ANKRD31: variants seen among roughly 807,000 people sequenced by gnomAD.
ANKRD31 encodes the protein ankyrin repeat domain 31, also known as ankyrin repeat domain-containing protein 31.
Under a neutral mutation model 186.0 loss-of-function variants are expected in ANKRD31, and 147 were observed. That is an observed-to-expected ratio of 0.79 (90% CI 0.69 to 0.91). The LOEUF is 0.91. ANKRD31 is among the 40% of genes least tolerant of loss of function. ANKRD31 has a pLI of 0.00. For missense variants in ANKRD31, 1,986 were observed against 2,148.8 expected, an observed-to-expected ratio of 0.92 and a Z score of 1.50; for synonymous variants, 673 against 736.4, an observed-to-expected ratio of 0.91 and a Z score of 1.39.
At chr5:75,123,070 T>C (rs1364326831) in intron 17 of ANKRD31, among the ~76,000 whole-genome samples, 1 of 152,114 alleles carries the variant, frequency 6.6e-6, no homozygotes, top group Non-Finnish European at 1.5e-5. Context: ...ATTCTTAAGT[T>C]TGATAATTGA....
chr5:75,223,053 C>A (rs144578005), intron 2 of ANKRD31, among the ~76,000 whole-genome samples: 2 of 152,156 alleles, frequency 1.3e-5, no homozygotes, highest in African/African-American at 4.8e-5. Context: ...AATTTACATT[C>A]GCACCAACAG....
rs1755462389 is a variant in ANKRD31, at chr5:75,196,310, T to C, written c.448-110A>G. ...CTTGTTTGTAAGCTACCCTCAAAAT[T>C]TATCATCAACTTTCCTTCCCTTCCA... On this transcript the variant is annotated intron_variant, in intron 6 of 25. Transcript: ENST00000506364. 5.8e-6 allele frequency: 5 copies of C among 862,538 alleles called. No homozygotes were observed. In the South Asian group the frequency reaches 1.8e-4, roughly 31 times the overall value. 53.4% of individuals were successfully genotyped at this position (862,538 alleles called of 1,614,324 possible).
chr5:75,163,840 T>G (rs1158850678), intron 11 of ANKRD31, among the ~76,000 whole-genome samples: 2 of 152,166 alleles, frequency 1.3e-5, no homozygotes, highest in African/African-American at 4.8e-5. Context: ...GTGATGACTG[T>G]GATGCTAGCC....
intron 14 of ANKRD31, 42 bp downstream of exon 14, chr5:75,145,945 A>C: frequency 1.5e-6 from 2 of 1,343,074 alleles, no homozygotes; most frequent in Non-Finnish European, 1.9e-6. Flanking sequence ...AAATAAGTAA[A>C]TCTATAGGAA....
At chr5:75,092,735 A>G (rs184187864) in intron 22 of ANKRD31, among the ~76,000 whole-genome samples, 4 of 152,108 alleles carry the variant, frequency 2.6e-5, no homozygotes, top group African/African-American at 4.8e-5. Context: ...ACACACTGGG[A>G]AAAAAAACAG....
At chr5:75,112,378 A>G in intron 20 of ANKRD31, 135 bp downstream of exon 20, 1 of 537,578 alleles carries the variant, frequency 1.9e-6, no homozygotes, top group Non-Finnish European at 3.2e-6. Context: ...AATAATTCCT[A>G]GCACTTTAAA....
At chr5:75,190,579 C>T (rs1755037545) in intron 9 of ANKRD31, among the ~76,000 whole-genome samples, 2 of 150,788 alleles carry the variant, frequency 1.3e-5, no homozygotes, top group South Asian at 4.2e-4. Context: ...AGTCCTAGAC[C>T]AATAAGACTG....
chr5:75,206,527 G>A (rs1561536529), intron 4 of ANKRD31, 40 bp from the exon 5 acceptor site: 1 of 1,166,352 alleles, frequency 8.6e-7, no homozygotes, highest in Non-Finnish European at 1.1e-6. Flanking sequence ...TAAAATGGAA[G>A]AAAAAATAGT....
chr5:75,141,574 G>A (rs768996473), intron 15 of ANKRD31, among the ~76,000 whole-genome samples: 5 of 152,014 alleles, frequency 3.3e-5, no homozygotes, highest in Non-Finnish European at 7.4e-5. Flanking sequence ...AAAATTAGCA[G>A]GGTGAGTGAG....
intron 22 of ANKRD31, among the ~76,000 whole-genome samples, chr5:75,099,164 C>A (rs1023682410): frequency 6.6e-6 from 1 of 152,110 alleles, no homozygotes; most frequent in Non-Finnish European, 1.5e-5. Flanking sequence ...TTGTCACAGG[C>A]CTTTTCTGCA....
intron 1 of ANKRD31, among the ~76,000 whole-genome samples, chr5:75,232,239 T>G (rs1011627396): frequency 1.3e-5 from 2 of 152,154 alleles, no homozygotes; most frequent in African/African-American, 4.8e-5. Flanking sequence ...TAAGTTTATC[T>G]CTTAAAATGT....
chr5:75,154,001 CCTTT>C (rs1244450711), intron 12 of ANKRD31, among the ~76,000 whole-genome samples, 196 bp downstream of exon 12: 1 of 152,004 alleles, frequency 6.6e-6, no homozygotes, highest in Admixed American at 6.6e-5. Context: ...AAAAGTATTA[CCTTT>C]CTTTTTTCTT....
At chr5:75,154,927 C>T (rs1752064982) in intron 11 of ANKRD31, among the ~76,000 whole-genome samples, 2 of 152,106 alleles carry the variant, frequency 1.3e-5, no homozygotes, top group Non-Finnish European at 2.9e-5. Flanking sequence ...TGAGCTCCCC[C>T]AATGCCTCAC....
chr5:75,097,102 T>C (rs1409732847), intron 22 of ANKRD31, among the ~76,000 whole-genome samples: 1 of 152,240 alleles, frequency 6.6e-6, no homozygotes, highest in Non-Finnish European at 1.5e-5. Flanking sequence ...CTATTGTGAA[T>C]AGTGCCACAA....
intron 24 of ANKRD31, among the ~76,000 whole-genome samples, chr5:75,083,077 T>C (rs1265291505): frequency 6.6e-6 from 1 of 152,228 alleles, no homozygotes; most frequent in East Asian, 1.9e-4. Context: ...ATACATGAGA[T>C]ATCTTGGGGA....
chr5:75,134,557 G>A (rs1200529084), intron 17 of ANKRD31, among the ~76,000 whole-genome samples: 1 of 152,128 alleles, frequency 6.6e-6, no homozygotes, highest in Admixed American at 6.5e-5. Flanking sequence ...AGGACCAGAC[G>A]GATTCACAGC....
At chr5:75,083,640 G>T (rs1251309928) in intron 24 of ANKRD31, among the ~76,000 whole-genome samples, 1 of 151,984 alleles carries the variant, frequency 6.6e-6, no homozygotes, top group Non-Finnish European at 1.5e-5. Flanking sequence ...TGAGGCAGAA[G>T]AATCACTTGA....
intron 22 of ANKRD31, among the ~76,000 whole-genome samples, chr5:75,096,355 G>A (rs1746316210): frequency 6.6e-6 from 1 of 152,066 alleles, no homozygotes; most frequent in Non-Finnish European, 1.5e-5. Context: ...TTTTTAATGG[G>A]ATCATTTGTT....
intron 10 of ANKRD31, among the ~76,000 whole-genome samples, chr5:75,187,851 C>A (rs1380899810): frequency 1.3e-5 from 2 of 152,196 alleles, no homozygotes; most frequent in Middle Eastern, 3.4e-3. Flanking sequence ...AGTTTAGAAA[C>A]AACATGAAAA....
Sources: gnomAD v4.1 joint callset for allele counts (sites outside exome capture counted in the v4.1 genomes callset) on GRCh38, gnomAD v4.1.1 for gene constraint, MANE v1.5 for transcripts, NCBI Gene and HGNC (gene_info 2026-07-23, HGNC 2026-07-21) for gene names.